Variants in KDM4A observed in about 807,000 individuals in gnomAD.
The protein encoded by KDM4A is lysine-specific demethylase 4A.
In KDM4A, 23 loss-of-function variants were observed where a neutral mutation model predicts 127.1. The ratio of observed to expected loss-of-function variants is 0.18; its 90% CI spans 0.13 to 0.26. KDM4A has a LOEUF of 0.26. Ranked by LOEUF, KDM4A falls within the 10% of genes least tolerant of loss-of-function variation. KDM4A has a pLI of 1.00. For synonymous variants in KDM4A, 443 were observed against 466.5 expected, an observed-to-expected ratio of 0.95 and a Z score of 0.65; for missense variants, 890 against 1,329.1, an observed-to-expected ratio of 0.67 and a Z score of 5.14.
In KDM4A at chr1:43,697,897, C is replaced by T. The variant is rs758281188; in HGVS notation, c.2725C>T (p.His909Tyr). 6 of 1,613,888 alleles carry T rather than the reference C, an allele frequency of 3.7e-6. No homozygotes were observed. Among genetic ancestry groups the T allele is most frequent in the South Asian group, 1.1e-5 (1 of 91,046 alleles). Residue 909 changes from histidine (H) to tyrosine (Y), a missense_variant, in exon 19 of 22, where the codon CAT becomes TAT. By Grantham distance (83) the His-to-Tyr change is moderately conservative (BLOSUM62 2). Around this residue, in one of 7 missense-constraint regions of KDM4A, gnomAD observed 246 missense variants for 418.4 expected, o/e 0.59. Coordinates refer to ENST00000372396, the MANE Select transcript of KDM4A (RefSeq NM_014663.3). Reference protein sequence around the residue: ...ITAGQKVISKHKNGRFYQCEV... With the variant: ...ITAGQKVISKYKNGRFYQCEV... ...TGCAGGCCAGAAAGTCATTAGCAAG[C>T]ATAAGAACGGGCGCTTCTACCAGTG... is the stretch of plus-strand genomic sequence containing the variant.
chr1:43,668,845 T>C (rs1330716406), intron 9 of KDM4A, among the ~76,000 whole-genome samples: 1 of 152,216 alleles, frequency 6.6e-6, no homozygotes, highest in Non-Finnish European at 1.5e-5. Context: ...TGCCAGCTAC[T>C]CTGCATACCT....
At chr1:43,687,883 T>C (rs766640911) in intron 12 of KDM4A, among the ~76,000 whole-genome samples, 3 of 152,164 alleles carry the variant, frequency 2.0e-5, no homozygotes, top group Non-Finnish European at 4.4e-5. Context: ...CAGGCCTTAG[T>C]GAAGTCTGAT....
intron 2 of KDM4A, 65 bp from the exon 3 acceptor site, chr1:43,655,526 T>A: frequency 6.9e-7 from 1 of 1,439,748 alleles, no homozygotes; most frequent in Non-Finnish European, 9.5e-7. Context: ...AACTACATGC[T>A]TCCTGGACTC....
In KDM4A at chr1:43,694,706, C is replaced by T. The variant is rs763651766; in HGVS notation, c.2485-3C>T. 4 of 1,603,300 alleles carry T rather than the reference C, an allele frequency of 2.5e-6. No individual in the cohort carries two copies. Among genetic ancestry groups the T allele is most frequent in the Non-Finnish European group, 1.7e-6 (2 of 1,171,036 alleles). ...TCACTGGTTTTCTTCCCCTGTGCTA[C>T]AGAAATGTATCTTCTGTAAGAAGCG... On this transcript the variant is annotated splice_polypyrimidine_tract_variant and splice_region_variant and intron_variant, in intron 17 of 21. Coordinates refer to ENST00000372396, the MANE Select transcript of KDM4A (RefSeq NM_014663.3). This position sits in a 1 kb window ranked among gnomAD's most constrained non-coding sequence, Gnocchi z 5.2.
chr1:43,677,872 A>T (rs1295922199), intron 11 of KDM4A, among the ~76,000 whole-genome samples: 1 of 152,204 alleles, frequency 6.6e-6, no homozygotes, highest in African/African-American at 2.4e-5. Flanking sequence ...AAGGAGGAAA[A>T]AAGATTTGAA....
chr1:43,688,877 G>T lies in KDM4A; in HGVS notation c.1856-37G>T. On this transcript the variant is annotated intron_variant, in intron 12 of 21. Transcript: ENST00000372396. This position sits in a 1 kb window ranked among gnomAD's most constrained non-coding sequence, Gnocchi z 4.4. ...TCCAGGCAGAGCCACAGATGTGCAG[G>T]GTTAGTGCTGACTCACACTTCTGTT... The T allele has an allele frequency of 1.9e-6, 3 of 1,592,198 alleles. No individual in the cohort carries two copies. The highest frequency in any genetic ancestry group is 1.1e-5 in the South Asian group (1 of 90,142).
At chr1:43,655,173 T>G (rs1660211088) in intron 2 of KDM4A, among the ~76,000 whole-genome samples, 1 of 152,158 alleles carries the variant, frequency 6.6e-6, no homozygotes, top group South Asian at 2.1e-4. Flanking sequence ...TTTAAGAATG[T>G]TATGCTTCTT....
rs1001893464 is a variant in KDM4A, at chr1:43,693,379, TCTC to T, written c.2376-611_2376-609del. On this transcript the variant is annotated intron_variant, in intron 16 of 21. Coordinates refer to ENST00000372396, the MANE Select transcript of KDM4A (RefSeq NM_014663.3). This position sits in a 1 kb window ranked among gnomAD's most constrained non-coding sequence, Gnocchi z 4.2. Reference sequence around the variant, plus strand: ...TAAGAGTTGTCACCATTTTCGTTCTTCTCCTCTTGATGCATGCTGGTTTCCCAA... The same window carrying T: ...TAAGAGTTGTCACCATTTTCGTTCTTCTCTTGATGCATGCTGGTTTCCCAA... 9.9e-5 allele frequency among the ~76,000 whole-genome samples: 15 copies of T among 152,244 alleles called. No homozygotes were observed. Among genetic ancestry groups the T allele is most frequent in the African/African-American group, 3.1e-4 (13 of 41,466 alleles).
chr1:43,685,873 CTG>C lies in KDM4A; in HGVS notation c.1855+2073_1855+2074del, dbSNP rs577856282. 3.6e-3 allele frequency among the ~76,000 whole-genome samples: 550 copies of C among 152,272 alleles called. 3 individuals carry two copies. The highest frequency in any genetic ancestry group is 5.3e-3 in the Non-Finnish European group (360 of 68,024). The stretch of plus-strand genomic sequence containing the variant: ...CCTGAGTCAGGTCCTAGGAAGTTCT[CTG>C]TGTTCTTATTCCAGCTCAGACAGGA... On this transcript the variant is annotated intron_variant, in intron 12 of 21. Transcript: ENST00000372396.
chr1:43,673,813 A>G (rs968994298), intron 11 of KDM4A, among the ~76,000 whole-genome samples: 3 of 151,940 alleles, frequency 2.0e-5, no homozygotes, highest in East Asian at 1.9e-4. Context: ...CATCCATCCT[A>G]CTGTTGACTA....
intron 19 of KDM4A, chr1:43,703,296 A>G: frequency 8.9e-6 from 2 of 225,722 alleles, no homozygotes; most frequent in South Asian, 1.4e-4. Flanking sequence ...TTCATGGCAG[A>G]GCCCTGGAGA....
chr1:43,670,377 C>T (rs185480999), intron 10 of KDM4A, among the ~76,000 whole-genome samples: 111 of 152,108 alleles, frequency 7.3e-4, no homozygotes, highest in Non-Finnish European at 1.4e-3. Context: ...CAGATAAAAT[C>T]GTGCATATTT....
At chr1:43,685,314 A>G (rs1042876792) in intron 12 of KDM4A, among the ~76,000 whole-genome samples, 1 of 152,170 alleles carries the variant, frequency 6.6e-6, no homozygotes, top group Non-Finnish European at 1.5e-5. Context: ...GCCGAGCCTC[A>G]GCTCCAGCTT....
chr1:43,663,155 G>A, intron 5 of KDM4A, 68 bp downstream of exon 5: 1 of 1,398,814 alleles, frequency 7.1e-7, no homozygotes, highest in Non-Finnish European at 9.9e-7. Flanking sequence ...ATTGTGCGTG[G>A]GAAGCACCTC....
intron 11 of KDM4A, among the ~76,000 whole-genome samples, chr1:43,674,998 T>C (rs1660708650): frequency 6.6e-6 from 1 of 152,168 alleles, no homozygotes; most frequent in African/African-American, 2.4e-5. Flanking sequence ...CGTGTGGAAG[T>C]GTGCTAGGGG....
intron 7 of KDM4A, 124 bp downstream of exon 7, chr1:43,666,679 A>C: frequency 1.3e-6 from 1 of 799,084 alleles, no homozygotes; most frequent in Non-Finnish European, 2.0e-6. Flanking sequence ...ATGTAACAAC[A>C]CTTTGATCTA....
intron 16 of KDM4A, 71 bp downstream of exon 16, chr1:43,692,382 A>G: frequency 7.6e-7 from 1 of 1,314,384 alleles, no homozygotes; most frequent in Non-Finnish European, 1.1e-6. Context: ...TTGTGAGGGT[A>G]CTAGCTGTTC....
At chr1:43,672,501 CTT>C (rs377068138) in intron 11 of KDM4A, among the ~76,000 whole-genome samples, 1 of 130,276 alleles carries the variant, frequency 7.7e-6, no homozygotes, top group Non-Finnish European at 1.6e-5. Flanking sequence ...GTTTTTTTTT[CTT>C]TTTTTTTTTG....
chr1:43,668,118 TTTTG>T, intron 9 of KDM4A, 99 bp downstream of exon 9: 2 of 1,326,402 alleles, frequency 1.5e-6, no homozygotes, highest in Non-Finnish European at 2.1e-6. Context: ...TTTTGTTTTG[TTTTG>T]TTTTTGTTTT....
Sources: gnomAD v4.1 joint callset for allele counts (sites outside exome capture counted in the v4.1 genomes callset) on GRCh38, gnomAD v4.1.1 for gene constraint, gnomAD v4.1.1 regional missense constraint, Gnocchi (gnomAD v3.1) non-coding constraint, MANE v1.5 for transcripts, NCBI Gene and HGNC (gene_info 2026-07-23, HGNC 2026-07-21) for gene names.